Variants in NLRP5 observed in about 807,000 individuals in gnomAD.
The protein encoded by NLRP5 is NACHT, LRR and PYD domains-containing protein 5.
In NLRP5, 93 loss-of-function variants were observed where a neutral mutation model predicts 113.1. The ratio of observed to expected loss-of-function variants is 0.82; its 90% CI spans 0.70 to 0.98. The LOEUF (loss-of-function observed/expected upper bound fraction) is 0.98. NLRP5 is among the 50% of genes least tolerant of loss of function. NLRP5 has a pLI of 0.00. For missense variants in NLRP5, 1,808 were observed against 1,514.3 expected, an observed-to-expected ratio of 1.19 and a Z score of -3.22; for synonymous variants, 751 against 600.7, an observed-to-expected ratio of 1.25 and a Z score of -3.66.
intron 2 of NLRP5, among the ~76,000 whole-genome samples, chr19:56,008,349 T>G (rs1370318923): frequency 6.6e-6 from 1 of 152,102 alleles, no homozygotes; most frequent in Non-Finnish European, 1.5e-5. Flanking sequence ...ATGGAAGAGA[T>G]GTTTTGCAAA....
At chr19:56,022,606 G>A (rs1982657659) in intron 6 of NLRP5, among the ~76,000 whole-genome samples, 1 of 152,036 alleles carries the variant, frequency 6.6e-6, no homozygotes, top group Non-Finnish European at 1.5e-5. Flanking sequence ...GTAAAACAAG[G>A]AAAACAATGA....
At chr19:56,060,383 T>C (rs913006461) in intron 14 of NLRP5, among the ~76,000 whole-genome samples, 5 of 152,214 alleles carry the variant, frequency 3.3e-5, no homozygotes, top group African/African-American at 7.2e-5. Flanking sequence ...TTTAATGTCA[T>C]TGATACATTC....
upstream of NLRP5, among the ~76,000 whole-genome samples, chr19:55,999,522 A>C (rs957359995): frequency 4.6e-5 from 7 of 152,006 alleles, no homozygotes; most frequent in Non-Finnish European, 1.0e-4. Context: ...TCTTCTGCTC[A>C]GGACGTCTCG....
chr19:56,008,760 C>T (rs375370689), intron 2 of NLRP5, 28 bp from the exon 3 acceptor site: 5 of 1,582,260 alleles, frequency 3.2e-6, no homozygotes, highest in Middle Eastern at 1.7e-4. Flanking sequence ...TTCATTGAGG[C>T]CAGTCTCCCT....
intron 11 of NLRP5, among the ~76,000 whole-genome samples, chr19:56,049,549 C>G (rs988449156): frequency 1.3e-5 from 2 of 150,970 alleles, no homozygotes; most frequent in African/African-American, 4.9e-5. Context: ...ACCTGGTGAT[C>G]CTCCCGCCTT....
chr19:55,990,280 G>A, the NLRP5 span, among the ~76,000 whole-genome samples: 5 of 151,424 alleles, frequency 3.3e-5, no homozygotes, highest in Admixed American at 2.6e-4. Flanking sequence ...GTAGAGATGC[G>A]GTTTCACCAT....
intron 2 of NLRP5, among the ~76,000 whole-genome samples, chr19:56,007,547 G>A (rs1373610404): frequency 2.0e-5 from 3 of 151,068 alleles, no homozygotes; most frequent in Non-Finnish European, 4.4e-5. Context: ...TTTAACAGAG[G>A]GTTTGGCTGG....
In NLRP5 at chr19:56,027,617, C is replaced by A. The variant is rs199475775; in HGVS notation, c.1384C>A (p.Arg462Ser). Residue 462 changes from arginine to serine, a missense_variant, in exon 7 of 15, where the codon CGT (arginine) becomes AGT (serine). Arg to Ser is a moderately radical substitution (Grantham distance 110). Coordinates refer to ENST00000390649, the MANE Select transcript of NLRP5 (RefSeq NM_153447.4). Reference sequence around the variant, plus strand: ...AGGGTTGCGTGCGATCATGAACAACCGTGAGCTGCTCGACCAGTGCCAGGT... The same window carrying A: ...AGGGTTGCGTGCGATCATGAACAACAGTGAGCTGCTCGACCAGTGCCAGGT... The A allele has an allele frequency of 1.9e-6, 3 of 1,613,744 alleles. No individual in the cohort carries two copies. The highest frequency in any genetic ancestry group is 4.5e-5 in the East Asian group (2 of 44,884).
At chr19:56,032,877 G>A (rs964988468) in intron 8 of NLRP5, 96 bp downstream of exon 8, 69 of 1,236,608 alleles carry the variant, frequency 5.6e-5, no homozygotes, top group Non-Finnish European at 7.7e-5. Flanking sequence ...CCTTTCAAGT[G>A]CAGCCTGAGG....
chr19:56,016,801 C>T (rs1310841822), intron 4 of NLRP5, among the ~76,000 whole-genome samples: 1 of 152,212 alleles, frequency 6.6e-6, no homozygotes, highest in East Asian at 1.9e-4. Context: ...GCTGAATAAC[C>T]CATTGTGTAT....
chr19:56,003,765 C>G lies in NLRP5; in HGVS notation c.112C>G (p.Pro38Ala). Residue 38 changes from proline (P) to alanine (A), a missense_variant, in exon 2 of 15, where the codon CCA becomes GCA. The change creates a new upstream start codon in the 5' untranslated region. Transcript: ENST00000390649. ...TACTTGCTCTATATTACCAAAGAAT[C>G]CACTTTTCCCCCAAAACCTGAGCTC... The G allele has an allele frequency of 6.2e-7, 1 of 1,613,500 alleles. No homozygotes were observed. The highest frequency in any genetic ancestry group is 2.2e-5 in the East Asian group (1 of 44,874).
At chr19:55,988,092 G>A in the NLRP5 span, 126,410 of 560,984 alleles carry the variant, frequency 0.23, 14,886 homozygotes, top group East Asian at 0.33. Context: ...TGCCCTGTGT[G>A]TATTAATATG....
In NLRP5 at chr19:56,019,188, C is replaced by T. The variant is rs55893012; in HGVS notation, c.566-154C>T. ...AGCTTTGAATTAGTGCTCATTGTAC[C>T]AGTGCACTCTGTCTTCTAGCTGAGA... On this transcript the variant is annotated intron_variant, in intron 4 of 14. Transcript: ENST00000390649. 7,263 of 764,448 alleles carry T rather than the reference C, an allele frequency of 9.5e-3. 395 individuals carry two copies. The African/African-American group carries it at 0.11, about 12-fold the overall frequency. 47.4% of individuals were successfully genotyped at this position (764,448 alleles called of 1,614,324 possible). A position where few individuals can be genotyped will look rare whatever the true frequency, so the allele number is the denominator to read the frequency against.
chr19:56,058,534 TG>T (rs1984242416), intron 14 of NLRP5, 124 bp downstream of exon 14: 2 of 787,352 alleles, frequency 2.5e-6, no homozygotes, highest in Non-Finnish European at 4.0e-6. Context: ...TTTACTCCAT[TG>T]GTGAGTGCCC....
At chr19:56,019,812 G>T (rs1352284603) in intron 5 of NLRP5, among the ~76,000 whole-genome samples, 3 of 151,090 alleles carry the variant, frequency 2.0e-5, no homozygotes, top group African/African-American at 7.4e-5. Context: ...AATTACAGTG[G>T]TAAGAAAAAC....
At position 56,019,369 on chromosome 19, in the gene NLRP5, G is replaced by T. The variant is rs750266531; in HGVS notation, c.593G>T (p.Gly198Val). ...ATTTCACAAGCTATGGAACAAGAAG[G>T]TGCCACAGCAGCAGAGACAGAAGAA... Residue 198 changes from glycine (G) to valine (V), a missense_variant, in exon 5 of 15, where the codon GGT (glycine) becomes GTT (valine). By Grantham distance (109) the Gly-to-Val change is moderately radical. Transcript: ENST00000390649. 6 of 1,613,864 alleles carry T rather than the reference G, an allele frequency of 3.7e-6. No homozygotes were observed. Among genetic ancestry groups the T allele is most frequent in the East Asian group, 2.2e-5 (1 of 44,896 alleles).
the NLRP5 span, chr19:55,987,913 G>C: frequency 0.74 from 1,185,621 of 1,606,428 alleles, 438,626 homozygotes; most frequent in South Asian, 0.79. Context: ...TTAATCCTTA[G>C]GCCGTCCAGT....
At chr19:56,004,174 GT>G in intron 2 of NLRP5, 79 bp downstream of exon 2, 1 of 1,450,294 alleles carries the variant, frequency 6.9e-7, no homozygotes, top group South Asian at 1.3e-5. Context: ...AAGAATCGTT[GT>G]TCAGTAACCG....
rs1487305733 is a variant in NLRP5, at chr19:56,038,307, G to T, written c.2786+112G>T. 15 of 1,223,472 alleles carry T rather than the reference G, an allele frequency of 1.2e-5. No homozygotes were observed. In the East Asian group the frequency reaches 3.5e-4, roughly 29 times the overall value. The allele number at this position is 1,223,472 out of a possible 1,614,324, so 75.8% of individuals were successfully genotyped here. A position where few individuals can be genotyped will look rare whatever the true frequency, so the allele number is the denominator to read the frequency against. On this transcript the variant is annotated intron_variant, in intron 10 of 14. Transcript: ENST00000390649. ...AAATGAGCAGATGTACAAACCAGGG[G>T]TGAGGAAGGAAGTTGGGACCTCCCA... is the stretch of plus-strand genomic sequence containing the variant.
Sources: gnomAD v4.1 joint callset for allele counts (sites outside exome capture counted in the v4.1 genomes callset) on GRCh38, gnomAD v4.1.1 for gene constraint, MANE v1.5 for transcripts, NCBI Gene and HGNC (gene_info 2026-07-23, HGNC 2026-07-21) for gene names.